The following SLC25A21 variants were observed in gnomAD, a reference collection of about 807,000 sequenced individuals.
The protein encoded by SLC25A21 is mitochondrial 2-oxodicarboxylate carrier.
Under a neutral mutation model 43.8 loss-of-function variants are expected in SLC25A21, and 47 were observed. The ratio of observed to expected loss-of-function variants is 1.07; its 90% confidence interval spans 0.85 to 1.37. SLC25A21 has a LOEUF of 1.37. Ranked by LOEUF, SLC25A21 falls within the 40% of genes most tolerant of loss-of-function variation. The pLI is 0.00. For synonymous variants in SLC25A21, 131 were observed against 121.3 expected (o/e 1.08, Z -0.52); for missense variants, 352 against 350.2 (o/e 1.00, Z -0.04).
intron 3 of SLC25A21, among the ~76,000 whole-genome samples, chr14:36,760,331 A>AGAAGGAAGGAAGGAAGGAAGGAAG (rs57996006): frequency 1.2e-4 from 17 of 136,750 alleles, no homozygotes; most frequent in African/African-American, 3.9e-4. Flanking sequence ...GCAGCTAGGC[A>AGAAGGAAGGAAGGAAGGAAGGAAG]GAAGGAAGGA....
intron 1 of SLC25A21, among the ~76,000 whole-genome samples, chr14:36,957,484 T>C (rs964152933): frequency 1.3e-5 from 2 of 152,156 alleles, no homozygotes; most frequent in African/African-American, 4.8e-5. Flanking sequence ...CATAAGTGGG[T>C]TGGGAGTAGG....
In SLC25A21 at chr14:37,039,556, T is replaced by C. The variant is rs115572307; in HGVS notation, c.70+132725A>G. 6.3e-3 allele frequency among the ~76,000 whole-genome samples: 964 copies of C among 152,314 alleles called. 10 individuals are homozygous for C. Among genetic ancestry groups the C allele is most frequent in the African/African-American group, 0.02 (832 of 41,582 alleles). On this transcript the variant is annotated intron_variant, in intron 1 of 9. Coordinates refer to ENST00000331299, the MANE Select transcript of SLC25A21 (RefSeq NM_030631.4). The stretch of plus-strand genomic sequence containing the variant: ...GTCTGACTTCTTTCTCTGAGCATAA[T>C]TGAGATTCATCTATGTTGTTGAAGG...
chr14:36,750,819 A>G (rs1885679192), intron 3 of SLC25A21, among the ~76,000 whole-genome samples: 1 of 152,204 alleles, frequency 6.6e-6, no homozygotes, highest in Non-Finnish European at 1.5e-5. Context: ...TTTGCCAGGC[A>G]GTTCCCCAGG....
At chr14:36,881,654 G>A (rs1030466960) in intron 1 of SLC25A21, among the ~76,000 whole-genome samples, 2 of 152,090 alleles carry the variant, frequency 1.3e-5, no homozygotes, top group African/African-American at 4.8e-5. Flanking sequence ...TAACTACATA[G>A]ACGGACTGAT....
At chr14:36,741,100 C>T (rs957087396) in intron 3 of SLC25A21, among the ~76,000 whole-genome samples, 2 of 152,088 alleles carry the variant, frequency 1.3e-5, no homozygotes, top group Non-Finnish European at 2.9e-5. Context: ...CTGTCTGCCC[C>T]TCCTTTTACC....
At chr14:36,961,219 T>G (rs1005742515) in intron 1 of SLC25A21, among the ~76,000 whole-genome samples, 7 of 90,668 alleles carry the variant, frequency 7.7e-5, no homozygotes, top group Non-Finnish European at 1.1e-4. Context: ...CGTTTTTTGG[T>G]TTTTTTTTTT....
In SLC25A21 at chr14:36,858,698, G is replaced by A. The variant is rs190869313; in HGVS notation, c.119+16258C>T. On this transcript the variant is annotated intron_variant, in intron 2 of 9. Coordinates refer to ENST00000331299, the MANE Select transcript of SLC25A21 (RefSeq NM_030631.4). Reference sequence around the variant, plus strand: ...TTACCGCTTGAAACCTGGAACACCCGCAAACAAGACCCTGACTATCTCCCT... The same window carrying A: ...TTACCGCTTGAAACCTGGAACACCCACAAACAAGACCCTGACTATCTCCCT... 7.2e-5 allele frequency among the ~76,000 whole-genome samples: 11 copies of A among 152,062 alleles called. No individual in the cohort carries two copies. The South Asian group carries it at 8.3e-4, about 11-fold the overall frequency.
chr14:36,679,636 A>ATAT lies in SLC25A21; in HGVS notation c.*1019_*1021dup, dbSNP rs1364218726. The ATAT allele has an allele frequency of 9.1e-6, 9 of 985,324 alleles. No homozygotes were observed. Among genetic ancestry groups the ATAT allele is most frequent in the African/African-American group, 8.7e-5 (5 of 57,252 alleles). The allele number at this position is 985,324 out of a possible 1,614,324, so 61.0% of individuals were successfully genotyped here. ...TCAGAACATTTCCCCTTCATCATACATATTTTAATACTGCAGACAGCTGAC... is the reference window on the plus strand; with the variant it reads ...TCAGAACATTTCCCCTTCATCATACATATTATTTTAATACTGCAGACAGCTGAC... On this transcript the variant is annotated 3_prime_UTR_variant, in exon 10 of 10. Coordinates refer to ENST00000331299, the MANE Select transcript of SLC25A21 (RefSeq NM_030631.4).
At chr14:37,025,622 G>C (rs1361430660) in intron 1 of SLC25A21, among the ~76,000 whole-genome samples, 1 of 152,120 alleles carries the variant, frequency 6.6e-6, no homozygotes, top group African/African-American at 2.4e-5. Flanking sequence ...ACAAAGCTGT[G>C]CCAGCAAAAG....
At chr14:37,138,396 A>C (rs1963518628) in intron 1 of SLC25A21, among the ~76,000 whole-genome samples, 1 of 152,186 alleles carries the variant, frequency 6.6e-6, no homozygotes, top group African/African-American at 2.4e-5. Context: ...TAAGTTCCAA[A>C]ACAAATAATT....
chr14:36,779,360 T>C (rs1210289516), intron 3 of SLC25A21, among the ~76,000 whole-genome samples: 1 of 144,768 alleles, frequency 6.9e-6, no homozygotes, highest in Non-Finnish European at 1.5e-5. Flanking sequence ...GAAGGAATTA[T>C]ATATCTCTCT....
chr14:36,933,861 T>A (rs546064026), intron 1 of SLC25A21, among the ~76,000 whole-genome samples: 1 of 152,190 alleles, frequency 6.6e-6, no homozygotes, highest in Non-Finnish European at 1.5e-5. Context: ...CTTTTCACCT[T>A]ACTCACAACT....
intron 1 of SLC25A21, among the ~76,000 whole-genome samples, chr14:36,897,529 C>A (rs1216189789): frequency 6.6e-6 from 1 of 152,174 alleles, no homozygotes; most frequent in East Asian, 1.9e-4. Flanking sequence ...GCCTTCTTCT[C>A]CCAACTCATC....
At chr14:37,026,637 C>G (rs565606855) in intron 1 of SLC25A21, among the ~76,000 whole-genome samples, 70 of 152,172 alleles carry the variant, frequency 4.6e-4, no homozygotes, top group Non-Finnish European at 8.8e-4. Flanking sequence ...AAAACACTTA[C>G]GAATTAAACA....
chr14:36,704,762 T>C (rs1200800243), intron 7 of SLC25A21, among the ~76,000 whole-genome samples: 1 of 152,088 alleles, frequency 6.6e-6, no homozygotes, highest in Non-Finnish European at 1.5e-5. Context: ...TTCCGGTCTC[T>C]GGTTCTTTCC....
chr14:36,693,645 AT>A, intron 7 of SLC25A21, among the ~76,000 whole-genome samples: 1 of 152,032 alleles, frequency 6.6e-6, no homozygotes, highest in Admixed American at 6.6e-5. Flanking sequence ...TTATTTATTT[AT>A]TTTTTAAGAC....
At chr14:36,884,066 T>C (rs923737565) in intron 1 of SLC25A21, among the ~76,000 whole-genome samples, 2 of 152,180 alleles carry the variant, frequency 1.3e-5, no homozygotes, top group African/African-American at 4.8e-5. Flanking sequence ...TTCTGTGCAA[T>C]AGGTCATGGA....
intron 1 of SLC25A21, among the ~76,000 whole-genome samples, chr14:37,152,823 T>C (rs1963781994): frequency 6.6e-6 from 1 of 152,152 alleles, no homozygotes; most frequent in African/African-American, 2.4e-5. Flanking sequence ...AATAGAAGAC[T>C]AATCAAATAG....
At chr14:37,103,413 G>C (rs112190816) in intron 1 of SLC25A21, among the ~76,000 whole-genome samples, 263 of 152,262 alleles carry the variant, frequency 1.7e-3, no homozygotes, top group Admixed American at 4.1e-3. Context: ...GCATGGTCTG[G>C]TTTTGGTTTC....
Sources: allele counts gnomAD v4.1 joint callset (sites outside exome capture counted in the v4.1 genomes callset), GRCh38; gene constraint gnomAD v4.1.1; transcripts MANE v1.5; gene names NCBI Gene and HGNC (gene_info 2026-07-23, HGNC 2026-07-21).